ZFC3H1: variants seen among roughly 807,000 people sequenced by gnomAD.
ZFC3H1 encodes zinc finger C3H1-type containing.
Under a neutral mutation model 243.7 loss-of-function variants are expected in ZFC3H1, and 71 were observed. The ratio of observed to expected loss-of-function variants is 0.29; its 90% CI spans 0.24 to 0.36. The LOEUF is 0.36. ZFC3H1 is among the 10% of genes least tolerant of loss of function. The probability of loss-of-function intolerance (pLI) is 1.00; values close to 1 mark genes in which losing one functional copy is unlikely to be tolerated. For missense variants in ZFC3H1, 1,966 were observed against 2,317.1 expected (o/e 0.85, Z 3.11); for synonymous variants, 838 against 813.0 (o/e 1.03, Z -0.52).
rs774054798 is a variant in ZFC3H1 at position 71,632,872 on chromosome 12, T to C, written c.2817+14A>G. The C allele has an allele frequency of 2.5e-6, 4 of 1,607,036 alleles. No homozygotes were observed. Among genetic ancestry groups the C allele is most frequent in the Non-Finnish European group, 1.7e-6 (2 of 1,178,400 alleles). ...CTGCTTTCCAAAAGTAAAATATTTC[T>C]ATAAAACCCTCACCCCAAAGCGATC... On this transcript the variant is annotated intron_variant, in intron 14 of 34. Transcript: ENST00000378743.
At chr12:71,627,967 TTTTC>T in intron 20 of ZFC3H1, 33 bp from the exon 21 acceptor site, 1 of 1,589,528 alleles carries the variant, frequency 6.3e-7, no homozygotes, top group Non-Finnish European at 8.6e-7. Flanking sequence ...TAGCTTCACA[TTTTC>T]TTTAGTCCAC....
In ZFC3H1 at chr12:71,663,044, G is replaced by A; in HGVS notation, c.567C>T (p.Ser189=). The stretch of plus-strand genomic sequence containing the variant: ...TCCGAGGTGGAGAGGGCTCTCGCCA[G>A]CTCTGACTGCTGCTGAACCCGGATC... ...GAGSGFSSSQ[S]WREPSPPRKS... is the part of the protein sequence containing the mutation. Residue 189 remains serine (S), a synonymous_variant, in exon 1 of 35, where the codon AGC becomes AGT. Coordinates refer to ENST00000378743, the MANE Select transcript of ZFC3H1 (RefSeq NM_144982.5). 1 of 1,612,214 alleles carries A rather than the reference G, an allele frequency of 6.2e-7. No individual in the cohort carries two copies. Among genetic ancestry groups the A allele is most frequent in the Non-Finnish European group, 8.5e-7 (1 of 1,179,556 alleles).
chr12:71,620,829 A>G (rs920614441), intron 24 of ZFC3H1, among the ~76,000 whole-genome samples: 2 of 152,106 alleles, frequency 1.3e-5, no homozygotes, highest in Non-Finnish European at 2.9e-5. Context: ...TAAACGGTAC[A>G]ATGTTTTACT....
Position 71,634,301 on chromosome 12 carries a change from A to T in ZFC3H1, c.2364T>A (p.Arg788=), listed in dbSNP as rs138119893. The change falls in exon 12 of 35, where the codon CGT becomes CGA. Residue 788 remains arginine, a synonymous_variant. Transcript: ENST00000378743. ...CTGATTTAATCAAACGCTGTTTCTC[A>T]CGGCTAAAATTATCAAAAAGGATAT... ...YRLLKEEIAN[R]EKQRLIKSDQ... The T allele has an allele frequency of 8.4e-4, 1,355 of 1,612,036 alleles. 5 individuals are homozygous for T. The African/African-American group carries it at 0.015, about 18-fold the overall frequency.
intron 18 of ZFC3H1, 25 bp from the exon 19 acceptor site, chr12:71,629,735 C>A: frequency 7.3e-7 from 1 of 1,371,922 alleles, no homozygotes; most frequent in Non-Finnish European, 1.0e-6. Context: ...ATGCAATCTT[C>A]ATGATAAATA....
At chr12:71,660,001 A>G (rs965930819) in intron 1 of ZFC3H1, among the ~76,000 whole-genome samples, 1 of 152,230 alleles carries the variant, frequency 6.6e-6, no homozygotes, top group African/African-American at 2.4e-5. Context: ...AAGAACTGCA[A>G]TTGAATCTAG....
At chr12:71,651,741 T>C (rs904870518) in intron 2 of ZFC3H1, among the ~76,000 whole-genome samples, 3 of 152,134 alleles carry the variant, frequency 2.0e-5, no homozygotes, top group South Asian at 4.1e-4. Context: ...TAAGAGAGAA[T>C]GTAGGATGAG....
intron 6 of ZFC3H1, 68 bp from the exon 7 acceptor site, chr12:71,638,583 G>A: frequency 7.7e-7 from 1 of 1,305,140 alleles, no homozygotes; most frequent in Non-Finnish European, 1.0e-6. Flanking sequence ...TTAAGTTTAT[G>A]TTATGTTTGA....
chr12:71,627,892 G>A lies in ZFC3H1; in HGVS notation c.3989C>T (p.Thr1330Ile). 3 of 1,613,178 alleles carry A rather than the reference G, an allele frequency of 1.9e-6. No individual in the cohort carries two copies. The highest frequency in any genetic ancestry group is 1.3e-5 in the African/African-American group (1 of 74,982). ...ENQINVPALD[T>I]VVTPDDVRYF... ...TCTGACATCATCTGGAGTGACAACT[G>A]TATCCAGAGCTGGAACATTTATTTG... The change falls in exon 21 of 35, where the codon ACA (threonine) becomes ATA (isoleucine). Residue 1330 changes from threonine to isoleucine, a missense_variant. Physicochemically the swap from Thr to Ile is moderately conservative, Grantham distance 89. This residue lies in a region of ZFC3H1 where 1,383 missense variants were observed against 1,723.7 expected (regional missense o/e 0.80). Transcript: ENST00000378743.
chr12:71,613,659 T>C (rs1388810649), intron 30 of ZFC3H1: 1 of 363,888 alleles, frequency 2.7e-6, no homozygotes, highest in Non-Finnish European at 5.0e-6. Context: ...GGCAGAACAC[T>C]GACAAGAAGC....
At chr12:71,625,102 G>T (rs1148989) in intron 22 of ZFC3H1, among the ~76,000 whole-genome samples, 2 of 151,930 alleles carry the variant, frequency 1.3e-5, no homozygotes, top group Non-Finnish European at 2.9e-5. Context: ...CATTCACTTA[G>T]GTACAATGCT....
In ZFC3H1 at chr12:71,614,861, C is replaced by T. The variant is rs768856919; in HGVS notation, c.5333G>A (p.Cys1778Tyr). 28 of 1,613,632 alleles carry T rather than the reference C, an allele frequency of 1.7e-5. No individual in the cohort carries two copies. The highest frequency in any genetic ancestry group is 2.3e-5 in the Non-Finnish European group (27 of 1,179,690). Residue 1778 changes from cysteine (C) to tyrosine (Y), a missense_variant, in exon 29 of 35, where the codon TGT (cysteine) becomes TAT (tyrosine). Physicochemically the swap from Cys to Tyr is radical, Grantham distance 194. This residue lies in a region of ZFC3H1 where 1,383 missense variants were observed against 1,723.7 expected (regional missense o/e 0.80). Transcript: ENST00000378743. Reference sequence around the variant, plus strand: ...CATCCATATCTTCTGTACTATATCACATCTCATAGCCACCCCTAATGCTGC... The same window carrying T: ...CATCCATATCTTCTGTACTATATCATATCTCATAGCCACCCCTAATGCTGC... ...YEAALGVAMRCDIVQKIWMDY... is the reference protein window; with the variant it reads ...YEAALGVAMRYDIVQKIWMDY...
chr12:71,610,636 G>T (rs1459906699), intron 34 of ZFC3H1, 59 bp downstream of exon 34: 3 of 1,611,878 alleles, frequency 1.9e-6, no homozygotes, highest in African/African-American at 2.7e-5. Flanking sequence ...AATGGATATG[G>T]CACATGCAGA....
intron 31 of ZFC3H1, among the ~76,000 whole-genome samples, chr12:71,612,191 A>G (rs992607021): frequency 6.6e-6 from 1 of 151,970 alleles, no homozygotes; most frequent in Non-Finnish European, 1.5e-5. Context: ...ATTTTTTTTT[A>G]AAGTAATGGC....
At chr12:71,640,666 C>G (rs1489595637) in intron 6 of ZFC3H1, among the ~76,000 whole-genome samples, 3 of 152,236 alleles carry the variant, frequency 2.0e-5, no homozygotes, top group African/African-American at 7.2e-5. Context: ...TCTGGCCTCT[C>G]TACCTTGGTG....
rs1029550718 is a variant in ZFC3H1, at chr12:71,612,917, C to T, written c.5627+418G>A. Among the ~76,000 whole-genome samples the T allele has an allele frequency of 4.3e-4, 65 of 152,278 alleles. 1 individual carries two copies. The highest frequency in any genetic ancestry group is 1.4e-3 in the Admixed American group (22 of 15,290). On this transcript the variant is annotated intron_variant, in intron 31 of 34. Transcript: ENST00000378743. Reference sequence around the variant, plus strand: ...GTGAGGGCTCAAGGTCAGGAATCTACATTTTAAATGAGCATCCCAGGAGAT... The same window carrying T: ...GTGAGGGCTCAAGGTCAGGAATCTATATTTTAAATGAGCATCCCAGGAGAT...
In ZFC3H1 at chr12:71,612,826, AAAGGCTGAGAAATC is replaced by A. The variant is rs113619348; in HGVS notation, c.5627+495_5627+508del. On this transcript the variant is annotated intron_variant, in intron 31 of 34. Coordinates refer to ENST00000378743, the MANE Select transcript of ZFC3H1 (RefSeq NM_144982.5). ...GTATCAGAGCAGAGAAACTACAAAG[AAAGGCTGAGAAATC>A]TCGTTCTGATCGAATATATGAAATC... Among the ~76,000 whole-genome samples the A allele has an allele frequency of 2.5e-3, 378 of 152,290 alleles. 3 individuals carry two copies. The highest frequency in any genetic ancestry group is 8.2e-3 in the African/African-American group (343 of 41,582).
chr12:71,610,687 A>T lies in ZFC3H1; in HGVS notation c.5832+8T>A, dbSNP rs988075118. The T allele has an allele frequency of 6.2e-7, 1 of 1,613,026 alleles. No homozygotes were observed. Among genetic ancestry groups the T allele is most frequent in the Non-Finnish European group, 8.5e-7 (1 of 1,179,470 alleles). On this transcript the variant is annotated splice_region_variant and intron_variant, in intron 34 of 34. Coordinates refer to ENST00000378743, the MANE Select transcript of ZFC3H1 (RefSeq NM_144982.5). ...CATCGAGATAAAATAAAAGATAAAA[A>T]GCATTACATCTTTCCACAGTGATGC...
chr12:71,622,320 T>G (rs1025965639), intron 24 of ZFC3H1, among the ~76,000 whole-genome samples: 1 of 152,240 alleles, frequency 6.6e-6, no homozygotes, highest in Non-Finnish European at 1.5e-5. Context: ...TTTGTCATAC[T>G]GATAGCCATG....
Sources: allele counts gnomAD v4.1 joint callset (sites outside exome capture counted in the v4.1 genomes callset), GRCh38; gene constraint gnomAD v4.1.1; regional missense constraint gnomAD v4.1.1; transcripts MANE v1.5; gene names NCBI Gene and HGNC (gene_info 2026-07-23, HGNC 2026-07-21).